The following MACROD2 variants were observed in gnomAD, a reference collection of about 807,000 sequenced individuals.
The protein encoded by MACROD2 is mono-ADP ribosylhydrolase 2, also known as ADP-ribose glycohydrolase MACROD2.
MACROD2 carries 36 observed loss-of-function variants against 70.4 expected under a neutral mutation model. That is an observed-to-expected ratio of 0.51 (90% CI 0.39 to 0.68). The LOEUF (loss-of-function observed/expected upper bound fraction) is 0.68, where lower values mean the gene tolerates loss of function less well. Among genes scored for constraint, MACROD2 ranks in the 30% least tolerant of loss-of-function variants. The probability of loss-of-function intolerance (pLI) is 0.00; values close to 1 mark genes in which losing one functional copy is unlikely to be tolerated. For missense variants in MACROD2, 496 were observed against 538.4 expected (o/e 0.92, Z 0.78); for synonymous variants, 172 against 178.8 (o/e 0.96, Z 0.30).
chr20:15,920,741 T>C (rs1007096929), intron 10 of MACROD2, among the ~76,000 whole-genome samples: 14 of 152,348 alleles, frequency 9.2e-5, no homozygotes, highest in Admixed American at 7.8e-4. Context: ...TTCTGCTCCC[T>C]GCTAGCTATG....
At chr20:13,999,452 C>T (rs2052704358) in intron 1 of MACROD2, among the ~76,000 whole-genome samples, 1 of 152,124 alleles carries the variant, frequency 6.6e-6, no homozygotes, top group South Asian at 2.1e-4. Context: ...TTTGTATGCT[C>T]AGTACTATTC....
intron 5 of MACROD2, among the ~76,000 whole-genome samples, chr20:14,960,474 C>T (rs1473729849): frequency 6.6e-6 from 1 of 152,212 alleles, no homozygotes; most frequent in Non-Finnish European, 1.5e-5. Flanking sequence ...GCTTCCACAG[C>T]ATATCTGTGC....
chr20:15,700,664 T>A (rs1391207263), intron 8 of MACROD2, among the ~76,000 whole-genome samples: 1 of 152,226 alleles, frequency 6.6e-6, no homozygotes, highest in Non-Finnish European at 1.5e-5. Context: ...TCAATTTTGT[T>A]GTCTTTTAAA....
chr20:14,804,291 G>C (rs1407365354), intron 5 of MACROD2, among the ~76,000 whole-genome samples: 1 of 151,760 alleles, frequency 6.6e-6, no homozygotes, highest in Non-Finnish European at 1.5e-5. Context: ...TAATGAAACT[G>C]TTTGCTTTTA....
intron 4 of MACROD2, among the ~76,000 whole-genome samples, chr20:14,536,656 T>TGTGTGTGTGTGTGA (rs778906508): frequency 4.1e-5 from 6 of 147,260 alleles, no homozygotes; most frequent in Non-Finnish European, 8.9e-5. Flanking sequence ...TGTGTGTGTG[T>TGTGTGTGTGTGTGA]GTGTGTGCAT....
intron 8 of MACROD2, among the ~76,000 whole-genome samples, chr20:15,816,861 C>T (rs12624706): frequency 0.24 from 36,797 of 152,086 alleles, 4,576 homozygotes; most frequent in African/African-American, 0.3. Flanking sequence ...TTTGTGAAAA[C>T]AGATAGAAAC....
chr20:16,051,490 A>T lies in MACROD2; in HGVS notation c.*1614A>T, dbSNP rs540021579. ...CAGCATATGCACTATATTCTAACAA[A>T]TTTTTTTTAATAAAATCAAGACATC... On this transcript the variant is annotated 3_prime_UTR_variant, in exon 18 of 18. Transcript: ENST00000684519. 41 of 152,122 alleles carry T rather than the reference A, an allele frequency of 2.7e-4. No individual in the cohort carries two copies. Among genetic ancestry groups the T allele is most frequent in the African/African-American group, 8.2e-4 (34 of 41,500 alleles). 9.4% of individuals were successfully genotyped at this position (152,122 alleles called of 1,614,324 possible).
At chr20:15,054,103 A>C (rs967714366) in intron 5 of MACROD2, among the ~76,000 whole-genome samples, 5 of 152,222 alleles carry the variant, frequency 3.3e-5, no homozygotes, top group Non-Finnish European at 7.3e-5. Flanking sequence ...TGAGCAAAGA[A>C]ACTGGTTTAT....
At chr20:15,215,657 T>G (rs1261554251) in intron 5 of MACROD2, among the ~76,000 whole-genome samples, 1 of 152,072 alleles carries the variant, frequency 6.6e-6, no homozygotes, top group Non-Finnish European at 1.5e-5. Context: ...GGGCTTGTTA[T>G]TACCAAGTCT....
intron 12 of MACROD2, among the ~76,000 whole-genome samples, chr20:15,964,863 A>G (rs573116650): frequency 5.3e-4 from 81 of 152,296 alleles, no homozygotes; most frequent in African/African-American, 1.9e-3. Flanking sequence ...ATGAGGTTAT[A>G]TAGTACTTTT....
At chr20:14,153,444 A>T (rs904030696) in intron 3 of MACROD2, among the ~76,000 whole-genome samples, 4 of 152,214 alleles carry the variant, frequency 2.6e-5, no homozygotes, top group African/African-American at 9.6e-5. Context: ...CCAAAGTTTC[A>T]GCTGTTTTGT....
At chr20:15,704,751 T>C (rs577603077) in intron 8 of MACROD2, among the ~76,000 whole-genome samples, 2 of 152,304 alleles carry the variant, frequency 1.3e-5, no homozygotes, top group South Asian at 4.1e-4. Context: ...TGAAAGTAGA[T>C]GGAAAATAAA....
At chr20:14,196,892 G>C (rs2081437144) in intron 3 of MACROD2, among the ~76,000 whole-genome samples, 1 of 152,208 alleles carries the variant, frequency 6.6e-6, no homozygotes, top group Non-Finnish European at 1.5e-5. Flanking sequence ...CAAAGTTCAT[G>C]GGTCCTAGGA....
At chr20:15,843,652 T>G (rs1258324331) in intron 8 of MACROD2, among the ~76,000 whole-genome samples, 1 of 152,174 alleles carries the variant, frequency 6.6e-6, no homozygotes, top group Non-Finnish European at 1.5e-5. Flanking sequence ...TGGTAGAATT[T>G]TTTTTGGCAT....
chr20:14,291,734 A>G lies in MACROD2; in HGVS notation c.272-201745A>G, dbSNP rs1021880302. ...CATGTAAGTACTGAAAAAGTACTGC[A>G]CTGACTGTTTCTGCAGAAAGCACCA... On this transcript the variant is annotated intron_variant, in intron 3 of 17. Coordinates refer to ENST00000684519, the MANE Select transcript of MACROD2 (RefSeq NM_001351661.2). Among the ~76,000 whole-genome samples the G allele has an allele frequency of 1.3e-5, 2 of 151,916 alleles. 1 individual carries two copies. The highest frequency in any genetic ancestry group is 2.9e-5 in the Non-Finnish European group (2 of 68,022).
chr20:15,477,732 C>T (rs1414393212), intron 7 of MACROD2, among the ~76,000 whole-genome samples: 1 of 152,140 alleles, frequency 6.6e-6, no homozygotes, highest in Non-Finnish European at 1.5e-5. Context: ...AATATGTTTC[C>T]TTGCATGGCA....
Position 13,995,952 on chromosome 20 carries a change from T to C in MACROD2, c.46+143T>C. On this transcript the variant is annotated intron_variant, in intron 1 of 17. Transcript: ENST00000684519. This position sits in a 1 kb window ranked among gnomAD's most constrained non-coding sequence, Gnocchi z 4.3. ...CGGTGCCGCCTCCCTCCGGTGTCCG[T>C]GTGTACACACGCGCACACTCGCGCG... 1.0e-6 allele frequency: 1 copy of C among 960,350 alleles called. No homozygotes were observed. The highest frequency in any genetic ancestry group is 1.5e-5 in the South Asian group (1 of 64,624). 59.5% of individuals were successfully genotyped at this position (960,350 alleles called of 1,614,324 possible).
chr20:14,648,474 A>G (rs1407171912), intron 4 of MACROD2, among the ~76,000 whole-genome samples: 1 of 152,210 alleles, frequency 6.6e-6, no homozygotes, highest in African/African-American at 2.4e-5. Flanking sequence ...TTCTTAATGT[A>G]ACAACTGGAT....
intron 9 of MACROD2, among the ~76,000 whole-genome samples, chr20:15,868,908 C>T (rs1420983409): frequency 4.0e-5 from 6 of 151,822 alleles, no homozygotes; most frequent in African/African-American, 1.5e-4. Flanking sequence ...TTTCAACTTC[C>T]TGGGTGGCTG....
Sources: allele counts gnomAD v4.1 joint callset (sites outside exome capture counted in the v4.1 genomes callset), GRCh38; gene constraint gnomAD v4.1.1; non-coding constraint Gnocchi (gnomAD v3.1); transcripts MANE v1.5; gene names NCBI Gene and HGNC (gene_info 2026-07-23, HGNC 2026-07-21).